CYRIB: variants seen among roughly 807,000 people sequenced by gnomAD.
The protein encoded by CYRIB is CYFIP related Rac1 interactor B.
A neutral mutation model predicts 44.2 loss-of-function variants in CYRIB; 8 were observed. The observed-to-expected ratio is 0.18, with a 90% CI of 0.11 to 0.33. The LOEUF (loss-of-function observed/expected upper bound fraction) is 0.33, where lower values mean the gene tolerates loss of function less well. CYRIB is among the 10% of genes least tolerant of loss of function. The pLI is 1.00. For synonymous variants in CYRIB, 131 were observed against 127.2 expected, an observed-to-expected ratio of 1.03 and a Z score of -0.20; for missense variants, 185 against 382.8, an observed-to-expected ratio of 0.48 and a Z score of 4.31.
intron 1 of CYRIB, among the ~76,000 whole-genome samples, chr8:129,932,687 T>C (rs1464150578): frequency 3.3e-5 from 5 of 152,132 alleles, no homozygotes; most frequent in Non-Finnish European, 7.4e-5. Flanking sequence ...GCAAGTAGGA[T>C]AAAATCTCAG....
chr8:129,998,771 A>G (rs906805342), intron 1 of CYRIB, among the ~76,000 whole-genome samples: 3 of 152,122 alleles, frequency 2.0e-5, no homozygotes, highest in Non-Finnish European at 4.4e-5. Context: ...AGCTGGGATT[A>G]CAGGCATGTG....
chr8:129,974,454 C>T (rs575577747), intron 1 of CYRIB, among the ~76,000 whole-genome samples: 1 of 152,150 alleles, frequency 6.6e-6, no homozygotes, highest in Non-Finnish European at 1.5e-5. Flanking sequence ...CTGGGATGCT[C>T]TAGGCAGCAC....
chr8:129,954,503 T>C (rs1439645061), intron 2 of CYRIB, among the ~76,000 whole-genome samples: 1 of 144,296 alleles, frequency 6.9e-6, no homozygotes, highest in East Asian at 2.1e-4. Flanking sequence ...GATTACGTGC[T>C]TGAGCCACTG....
upstream of CYRIB, among the ~76,000 whole-genome samples, chr8:129,943,566 G>C (rs1399667854): frequency 5.0e-4 from 74 of 148,598 alleles, no homozygotes; most frequent in African/African-American, 1.8e-3. Context: ...CTGCACTCCA[G>C]CCTGGGCAAT....
intron 3 of CYRIB, among the ~76,000 whole-genome samples, chr8:129,874,649 A>G (rs781280550): frequency 3.3e-5 from 5 of 152,148 alleles, no homozygotes; most frequent in Non-Finnish European, 7.4e-5. Context: ...GAGAGGGTAC[A>G]GAGACATAAA....
chr8:129,890,453 T>G (rs1376602562), intron 2 of CYRIB: 1 of 152,226 alleles, frequency 6.6e-6, no homozygotes, highest in Non-Finnish European at 1.5e-5. Context: ...CAATAAAGTA[T>G]TTTTAAATTA....
chr8:129,925,125 C>T (rs931939182), intron 1 of CYRIB, among the ~76,000 whole-genome samples: 1 of 152,046 alleles, frequency 6.6e-6, no homozygotes, highest in African/African-American at 2.4e-5. Context: ...AGGCCGGGAG[C>T]GATGGCTCAT....
intron 1 of CYRIB, among the ~76,000 whole-genome samples, chr8:129,990,473 T>C (rs2096601585): frequency 6.7e-6 from 1 of 150,064 alleles, no homozygotes; most frequent in South Asian, 2.1e-4. Context: ...TGTGTGTGTG[T>C]GTGCATGCAT....
chr8:129,913,314 G>A (rs1025204167), intron 1 of CYRIB, among the ~76,000 whole-genome samples: 2 of 152,140 alleles, frequency 1.3e-5, no homozygotes, highest in Non-Finnish European at 2.9e-5. Flanking sequence ...AAGCTCTTGA[G>A]ATAAACCTTG....
At chr8:129,882,977 C>A (rs2061343036) in intron 2 of CYRIB, among the ~76,000 whole-genome samples, 1 of 151,736 alleles carries the variant, frequency 6.6e-6, no homozygotes, top group African/African-American at 2.4e-5. Context: ...GTGGGTAGAT[C>A]ACAAGGTCAG....
chr8:129,988,697 C>T (rs142541709), intron 1 of CYRIB, among the ~76,000 whole-genome samples: 2 of 152,264 alleles, frequency 1.3e-5, no homozygotes, highest in Non-Finnish European at 2.9e-5. Context: ...CCCATAATCC[C>T]CCAAGCTGTC....
chr8:129,889,679 G>A (rs970315366), intron 2 of CYRIB, among the ~76,000 whole-genome samples: 1 of 152,108 alleles, frequency 6.6e-6, no homozygotes, highest in African/African-American at 2.4e-5. Flanking sequence ...GAGAACTAGA[G>A]TAGAAGTTCA....
intron 1 of CYRIB, among the ~76,000 whole-genome samples, chr8:129,938,333 G>C (rs1285670493): frequency 6.6e-6 from 1 of 152,182 alleles, no homozygotes; most frequent in Admixed American, 6.5e-5. Context: ...ATTTGCGATA[G>C]TAAGTCACCA....
intron 1 of CYRIB, among the ~76,000 whole-genome samples, chr8:129,974,887 A>ATTTT (rs1280918019): frequency 1.4e-5 from 2 of 139,506 alleles, no homozygotes; most frequent in Non-Finnish European, 3.1e-5. Context: ...CACCCAGATA[A>ATTTT]TTTTTTTTTT....
At chr8:130,010,534 C>T (rs1466087882) in intron 1 of CYRIB, among the ~76,000 whole-genome samples, 1 of 152,176 alleles carries the variant, frequency 6.6e-6, no homozygotes, top group East Asian at 1.9e-4. Flanking sequence ...CTCTCCTCCC[C>T]CGCTCCCTGA....
intron 1 of CYRIB, among the ~76,000 whole-genome samples, chr8:129,989,906 G>C (rs1048888264): frequency 2.0e-5 from 3 of 149,282 alleles, no homozygotes; most frequent in Non-Finnish European, 4.4e-5. Flanking sequence ...TTGGTTTCTT[G>C]TCCTTGCGAT....
intron 5 of CYRIB, among the ~76,000 whole-genome samples, chr8:129,859,731 G>A (rs1040341232): frequency 3.3e-5 from 5 of 152,166 alleles, no homozygotes; most frequent in African/African-American, 1.2e-4. Context: ...ATTATAGAGC[G>A]AGGATTATTA....
chr8:129,931,731 A>T (rs2091447367), intron 1 of CYRIB, among the ~76,000 whole-genome samples: 1 of 151,964 alleles, frequency 6.6e-6, no homozygotes, highest in African/African-American at 2.4e-5. Context: ...GATTCCAGTG[A>T]TTCTTTTGCC....
intron 2 of CYRIB, among the ~76,000 whole-genome samples, chr8:129,967,686 CTTTTTAAATCACTGTAAACA>C (rs1564487220): frequency 6.6e-6 from 1 of 152,094 alleles, no homozygotes; most frequent in Non-Finnish European, 1.5e-5. Context: ...GCTTTCTTTC[CTTTTTAAATCACTGTAAACA>C]TTTACCAGCA....
Sources: allele counts gnomAD v4.1 joint callset (sites outside exome capture counted in the v4.1 genomes callset), GRCh38; gene constraint gnomAD v4.1.1; transcripts MANE v1.5; gene names NCBI Gene and HGNC (gene_info 2026-07-23, HGNC 2026-07-21).